Variants in NDRG1 observed in about 807,000 individuals in gnomAD.
NDRG1 encodes N-myc downstream regulated 1.
In NDRG1, 32 loss-of-function variants were observed where a neutral mutation model predicts 56.9. That is an observed-to-expected ratio of 0.56 (90% CI 0.42 to 0.76). NDRG1 has a LOEUF of 0.76. Ranked by LOEUF, NDRG1 falls within the 30% of genes least tolerant of loss-of-function variation. NDRG1 has a pLI of 0.00. For synonymous variants in NDRG1, 211 were observed against 204.1 expected (o/e 1.03, Z -0.29); for missense variants, 507 against 545.7 (o/e 0.93, Z 0.71).
chr8:133,266,599 G>C (rs745406014), intron 3 of NDRG1, among the ~76,000 whole-genome samples: 1 of 152,280 alleles, frequency 6.6e-6, no homozygotes, highest in South Asian at 2.1e-4. Flanking sequence ...GTGACCCCCC[G>C]TGAAGTGGTA....
chr8:133,247,556 G>C (rs1686358266), intron 12 of NDRG1, among the ~76,000 whole-genome samples: 1 of 152,252 alleles, frequency 6.6e-6, no homozygotes, highest in South Asian at 2.1e-4. Flanking sequence ...AGATCCAGCT[G>C]CTTCCCAAAT....
chr8:133,253,805 C>A (rs1284232297), intron 9 of NDRG1, among the ~76,000 whole-genome samples: 2 of 152,176 alleles, frequency 1.3e-5, no homozygotes, highest in African/African-American at 4.8e-5. Flanking sequence ...CTCAAGCAAT[C>A]CTCCTGCCTC....
chr8:133,294,126 CCTGA>C (rs1200753114), intron 1 of NDRG1, among the ~76,000 whole-genome samples: 2 of 152,182 alleles, frequency 1.3e-5, no homozygotes, highest in Non-Finnish European at 2.9e-5. Flanking sequence ...GCATGGAGCT[CCTGA>C]CTGCCTTTTC....
chr8:133,295,697 A>T (rs1395115262), intron 1 of NDRG1, among the ~76,000 whole-genome samples: 2 of 152,248 alleles, frequency 1.3e-5, no homozygotes, highest in African/African-American at 4.8e-5. Flanking sequence ...CTGCAGCAAG[A>T]ACAGGGGGTT....
chr8:133,261,128 CAG>C (rs1225609248), intron 5 of NDRG1, among the ~76,000 whole-genome samples: 1 of 152,108 alleles, frequency 6.6e-6, no homozygotes, highest in African/African-American at 2.4e-5. Context: ...TTTTTGGAGA[CAG>C]AGTCTTGCTC....
Position 133,264,477 on chromosome 8 carries a change from T to C in NDRG1, c.205+70A>G, listed in dbSNP as rs374840304. The C allele has an allele frequency of 4.9e-6, 7 of 1,423,758 alleles. No homozygotes were observed. The African/African-American group carries it at 9.9e-5, about 20-fold the overall frequency. The allele number at this position is 1,423,758 out of a possible 1,614,324, so 88.2% of individuals were successfully genotyped here. A position where few individuals can be genotyped will look rare whatever the true frequency, so the allele number is the denominator to read the frequency against. ...CCACCAGCTCCCGGCCATCAGCCCT[T>C]CTCGGCTGCCTTTTTCCGCCACTCT... On this transcript the variant is annotated intron_variant, in intron 4 of 15. Transcript: ENST00000323851.
chr8:133,265,546 C>T (rs770300429), intron 3 of NDRG1, among the ~76,000 whole-genome samples: 1 of 152,146 alleles, frequency 6.6e-6, no homozygotes, highest in South Asian at 2.1e-4. Context: ...CCTGCCCTTC[C>T]TTCTTGTTGA....
intron 13 of NDRG1, 61 bp from the exon 14 acceptor site, chr8:133,244,451 G>A (rs1263890447): frequency 6.2e-7 from 1 of 1,606,074 alleles, no homozygotes; most frequent in Non-Finnish European, 8.5e-7. Context: ...TGCGCTCTAT[G>A]AATTTTTTCC....
chr8:133,256,919 A>T, intron 7 of NDRG1, 56 bp from the exon 8 acceptor site: 1 of 1,538,050 alleles, frequency 6.5e-7, no homozygotes, highest in Non-Finnish European at 8.9e-7. Context: ...AACACTAGGA[A>T]CTTTCCAAGG....
intron 3 of NDRG1, 84 bp from the exon 4 acceptor site, chr8:133,264,736 T>G: frequency 8.4e-7 from 1 of 1,193,002 alleles, no homozygotes. Context: ...TGTTTCCAAC[T>G]GTGTTTTGAG....
intron 9 of NDRG1, 109 bp downstream of exon 9, chr8:133,254,430 C>G (rs1856254080): frequency 9.0e-7 from 1 of 1,109,092 alleles, no homozygotes. Flanking sequence ...TCGGTGGCCC[C>G]CAGTTGATTG....
chr8:133,249,102 C>A (rs184216554), intron 10 of NDRG1, among the ~76,000 whole-genome samples: 84 of 152,350 alleles, frequency 5.5e-4, no homozygotes, highest in Middle Eastern at 6.8e-3. Context: ...AGAGCCCCCA[C>A]CTGACAGAGG....
At chr8:133,243,449 C>G (rs1333121936) in intron 14 of NDRG1, among the ~76,000 whole-genome samples, 1 of 152,178 alleles carries the variant, frequency 6.6e-6, no homozygotes, top group Non-Finnish European at 1.5e-5. Flanking sequence ...TTGCTCTTCC[C>G]ACCTCTGAGG....
chr8:133,268,953 T>C lies in NDRG1; in HGVS notation c.100-4301A>G, dbSNP rs140280000. Among the ~76,000 whole-genome samples, 150 of 152,228 alleles carry C rather than the reference T, an allele frequency of 9.9e-4. 3 individuals carry two copies. In the East Asian group the frequency reaches 0.029, roughly 29 times the overall value. On this transcript the variant is annotated intron_variant, in intron 3 of 15. Transcript: ENST00000323851. ...GGTTCTAAGCCAGTCAAGAAGACTG[T>C]CTGAGATTGAATGGGAGAATTACAA...
intron 3 of NDRG1, 123 bp from the exon 4 acceptor site, chr8:133,264,775 G>T: frequency 1.2e-6 from 1 of 829,926 alleles, no homozygotes; most frequent in Non-Finnish European, 2.0e-6. Context: ...GGCCATAAGA[G>T]CCCCGGCTTC....
At chr8:133,267,579 C>T (rs949104223) in intron 3 of NDRG1, among the ~76,000 whole-genome samples, 4 of 152,118 alleles carry the variant, frequency 2.6e-5, no homozygotes, top group East Asian at 1.9e-4. Flanking sequence ...TCCAGGGGGC[C>T]GGAGATCATC....
chr8:133,259,262 C>G, intron 5 of NDRG1, 32 bp from the exon 6 acceptor site: 1 of 1,606,492 alleles, frequency 6.2e-7, no homozygotes, highest in East Asian at 2.2e-5. Flanking sequence ...CATTAGTGAG[C>G]GCCCGGACAG....
At chr8:133,258,471 C>T (rs757034373) in intron 6 of NDRG1, 45 bp from the exon 7 acceptor site, 42 of 1,579,158 alleles carry the variant, frequency 2.7e-5, no homozygotes, top group Non-Finnish European at 2.8e-5. Context: ...GACAGAGTGA[C>T]GGGAGCCTCC....
chr8:133,280,723 C>A (rs1857749092), intron 2 of NDRG1, among the ~76,000 whole-genome samples: 1 of 152,186 alleles, frequency 6.6e-6, no homozygotes, highest in Non-Finnish European at 1.5e-5. Context: ...GTGTGAGCCA[C>A]TGTGCCCAGC....
Sources: allele counts gnomAD v4.1 joint callset (sites outside exome capture counted in the v4.1 genomes callset), GRCh38; gene constraint gnomAD v4.1.1; transcripts MANE v1.5; gene names NCBI Gene and HGNC (gene_info 2026-07-23, HGNC 2026-07-21).